SPTBN2: variants seen among roughly 807,000 people sequenced by gnomAD.
The protein encoded by SPTBN2 is spectrin beta, non-erythrocytic 2.
Under a neutral mutation model 284.2 loss-of-function variants are expected in SPTBN2, and 107 were observed. The ratio of observed to expected loss-of-function variants is 0.38; its 90% CI spans 0.32 to 0.44. The LOEUF is 0.44. Ranked by LOEUF, SPTBN2 falls within the 20% of genes least tolerant of loss-of-function variation. The probability of loss-of-function intolerance (pLI) is 1.00; values close to 1 mark genes in which losing one functional copy is unlikely to be tolerated. For synonymous variants in SPTBN2, 1,289 were observed against 1,354.8 expected (o/e 0.95, Z 1.07); for missense variants, 2,569 against 3,287.1 (o/e 0.78, Z 5.34).
In SPTBN2 at chr11:66,718,991, G is replaced by T. The variant is rs1349154216; in HGVS notation, c.157+2093C>A. Among the ~76,000 whole-genome samples the T allele has an allele frequency of 6.6e-6, 1 of 152,206 alleles. No individual in the cohort carries two copies. Among genetic ancestry groups the T allele is most frequent in the Non-Finnish European group, 1.5e-5 (1 of 68,022 alleles). Reference sequence around the variant, plus strand: ...ATCAGGCCCCAAGTTACCTAACAATGCACAGGACCCACGAGAGGGGCCCCC... The same window carrying T: ...ATCAGGCCCCAAGTTACCTAACAATTCACAGGACCCACGAGAGGGGCCCCC... On this transcript the variant is annotated intron_variant, in intron 3 of 37. Coordinates refer to ENST00000533211, the MANE Select transcript of SPTBN2 (RefSeq NM_006946.4). This position sits in a 1 kb window ranked among gnomAD's most constrained non-coding sequence, Gnocchi z 4.8.
At chr11:66,728,387 G>A (rs1477870412) in intron 1 of SPTBN2, 1 of 147,264 alleles carries the variant, frequency 6.8e-6, no homozygotes, top group Non-Finnish European at 1.5e-5. Flanking sequence ...GCGGGACTGC[G>A]GCGCCGCGGA....
Position 66,693,494 on chromosome 11 carries a change from C to G in SPTBN2, c.4594-48G>C. 4 of 1,565,336 alleles carry G rather than the reference C, an allele frequency of 2.6e-6. No homozygotes were observed. The highest frequency in any genetic ancestry group is 3.4e-6 in the Non-Finnish European group (4 of 1,163,748). On this transcript the variant is annotated intron_variant, in intron 23 of 37. Coordinates refer to ENST00000533211, the MANE Select transcript of SPTBN2 (RefSeq NM_006946.4). This position sits in a 1 kb window ranked among gnomAD's most constrained non-coding sequence, Gnocchi z 5.7. The stretch of plus-strand genomic sequence containing the variant: ...AAATGCTGAAAGTCCTGCCCCAGCC[C>G]CACGTGCTCCCGGAGACCACCCTTC...
At chr11:66,732,302 G>A (rs1942818743), upstream of SPTBN2, among the ~76,000 whole-genome samples, 1 of 152,170 alleles carries the variant, frequency 6.6e-6, no homozygotes, top group Non-Finnish European at 1.5e-5. Context: ...CTTAGCCACA[G>A]AGCATATGGC....
rs148826890 is a variant in SPTBN2, at chr11:66,700,983, C to T, written c.3116G>A (p.Arg1039Gln). 9.7e-4 allele frequency: 1,566 copies of T among 1,607,130 alleles called. 2 individuals are homozygous for T. The highest frequency in any genetic ancestry group is 1.2e-3 in the Non-Finnish European group (1,374 of 1,179,832). Residue 1039 changes from arginine (R) to glutamine (Q), a missense_variant, in exon 17 of 38, where the codon CGG becomes CAG. Transcript: ENST00000533211. This position sits in a 1 kb window ranked among gnomAD's most constrained non-coding sequence, Gnocchi z 6.6. ...CCAGCCGGTCTGCACCTCTCTCAGC[C>T]GGGCGTTGATGGCCACTGCCTGAGC... Reference protein sequence around the residue: ...HPAQAVAINARLREVQTGWED... With the variant: ...HPAQAVAINAQLREVQTGWED...
intron 3 of SPTBN2, among the ~76,000 whole-genome samples, chr11:66,720,459 C>T (rs988708360): frequency 3.3e-5 from 5 of 152,136 alleles, no homozygotes; most frequent in African/African-American, 9.7e-5. Flanking sequence ...GGCCGTTGGA[C>T]GAGTTTCCGC....
intron 1 of SPTBN2, among the ~76,000 whole-genome samples, chr11:66,742,155 TATC>T (rs1469294244): frequency 1.3e-5 from 2 of 152,360 alleles, no homozygotes; most frequent in East Asian, 3.8e-4. Flanking sequence ...TTCTCATTTT[TATC>T]ATTTCTAAAA....
At chr11:66,713,513 A>G (rs1941986395) in intron 8 of SPTBN2, 118 bp downstream of exon 8, 4 of 791,586 alleles carry the variant, frequency 5.1e-6, no homozygotes, top group Non-Finnish European at 9.0e-6. Context: ...CCCACCAAAG[A>G]AGCCCCTGTA....
intron 20 of SPTBN2, among the ~76,000 whole-genome samples, chr11:66,698,012 A>G (rs1941024311): frequency 6.6e-6 from 1 of 152,128 alleles, no homozygotes; most frequent in Admixed American, 6.6e-5. Flanking sequence ...AGCACGTACC[A>G]TGTTCTGTAG....
At chr11:66,730,240 C>T (rs1374373578), upstream of SPTBN2, among the ~76,000 whole-genome samples, 2 of 152,196 alleles carry the variant, frequency 1.3e-5, no homozygotes, top group African/African-American at 2.4e-5. Flanking sequence ...CTGTGCATGA[C>T]GGTCATCAGG....
In SPTBN2 at chr11:66,687,154, C is replaced by T. The variant is rs369469000; in HGVS notation, c.6736G>A (p.Val2246Met). Residue 2246 changes from valine to methionine, a missense_variant, in exon 36 of 38, where the codon GTG becomes ATG. Coordinates refer to ENST00000533211, the MANE Select transcript of SPTBN2 (RefSeq NM_006946.4). The surrounding 1 kb of genome is among the most constrained non-coding windows in gnomAD (Gnocchi z 5.2). ...CTCCCACGCCGCAGGACACAGTACA[C>T]GTTCTGCCAGGACCTGCGAGGGACG... ...KKAANRSWQN[V>M]YCVLRRGSLG... The T allele has an allele frequency of 1.3e-5, 21 of 1,613,866 alleles. No homozygotes were observed. Among genetic ancestry groups the T allele is most frequent in the Admixed American group, 3.3e-5 (2 of 60,014 alleles).
chr11:66,733,761 G>A (rs1161157343), upstream of SPTBN2, among the ~76,000 whole-genome samples: 1 of 152,126 alleles, frequency 6.6e-6, no homozygotes, highest in Non-Finnish European at 1.5e-5. Flanking sequence ...CTTTCAACAA[G>A]GTTGTCAATA....
chr11:66,689,728 G>C, intron 29 of SPTBN2, 77 bp downstream of exon 29: 1 of 1,595,274 alleles, frequency 6.3e-7, no homozygotes. Flanking sequence ...GAGAATGAGA[G>C]GAAGCAGAAA....
chr11:66,737,923 T>C (rs1247659060), intron 1 of SPTBN2, among the ~76,000 whole-genome samples: 1 of 152,166 alleles, frequency 6.6e-6, no homozygotes, highest in African/African-American at 2.4e-5. Context: ...TTAAGATTTC[T>C]TCTAATTTAG....
At chr11:66,689,671 C>T in intron 29 of SPTBN2, 134 bp downstream of exon 29, 1 of 1,389,570 alleles carries the variant, frequency 7.2e-7, no homozygotes, top group Non-Finnish European at 1.0e-6. Context: ...ATGCGAGAAA[C>T]CCGTGAATGG....
chr11:66,722,696 C>A (rs1942472933), intron 1 of SPTBN2, among the ~76,000 whole-genome samples: 1 of 151,504 alleles, frequency 6.6e-6, no homozygotes, highest in South Asian at 2.1e-4. Flanking sequence ...GAGTTTGAGA[C>A]CAGCCTGGCC....
chr11:66,704,098 G>A (rs1304033120), intron 15 of SPTBN2, among the ~76,000 whole-genome samples: 2 of 149,384 alleles, frequency 1.3e-5, no homozygotes, highest in South Asian at 2.2e-4. Context: ...TCAGCCTCCC[G>A]AGTAGCTGGG....
intron 15 of SPTBN2, among the ~76,000 whole-genome samples, 195 bp downstream of exon 15, chr11:66,704,403 G>A (rs1026098844): frequency 1.3e-4 from 20 of 152,200 alleles, no homozygotes; most frequent in African/African-American, 4.6e-4. Flanking sequence ...TCTGGGTGAC[G>A]GGTGTAGAGG....
chr11:66,697,110 C>G (rs1940960483), intron 20 of SPTBN2, among the ~76,000 whole-genome samples: 1 of 152,154 alleles, frequency 6.6e-6, no homozygotes, highest in Non-Finnish European at 1.5e-5. Flanking sequence ...CATCCTTGTG[C>G]CGTGGCTGTG....
intron 15 of SPTBN2, among the ~76,000 whole-genome samples, chr11:66,704,231 C>G (rs1941400848): frequency 6.6e-6 from 1 of 152,132 alleles, no homozygotes; most frequent in Non-Finnish European, 1.5e-5. Flanking sequence ...CTCGGCCTCC[C>G]AAAGTGCTGG....
Sources: allele counts gnomAD v4.1 joint callset (sites outside exome capture counted in the v4.1 genomes callset), GRCh38; gene constraint gnomAD v4.1.1; non-coding constraint Gnocchi (gnomAD v3.1); transcripts MANE v1.5; gene names NCBI Gene and HGNC (gene_info 2026-07-23, HGNC 2026-07-21).